Variants in FAT3 observed in about 807,000 individuals in gnomAD.
FAT3 encodes FAT atypical cadherin 3.
A neutral mutation model predicts 310.2 loss-of-function variants in FAT3; 95 were observed. That is an observed-to-expected ratio of 0.31 (90% confidence interval 0.26 to 0.36). The LOEUF (loss-of-function observed/expected upper bound fraction) is 0.36. FAT3 is among the 10% of genes least tolerant of loss of function. The pLI is 1.00. For missense variants in FAT3, 5,408 were observed against 5,715.6 expected, an observed-to-expected ratio of 0.95 and a Z score of 1.74; for synonymous variants, 2,314 against 2,192.9, an observed-to-expected ratio of 1.06 and a Z score of -1.54.
intron 3 of FAT3, among the ~76,000 whole-genome samples, chr11:92,567,470 C>T (rs1955503222): frequency 6.7e-6 from 1 of 149,390 alleles, no homozygotes; most frequent in Admixed American, 6.7e-5. Flanking sequence ...TTGTGGAAGT[C>T]AGTGTGGCGA....
chr11:92,319,554 G>T (rs7936834), intron 1 of FAT3, among the ~76,000 whole-genome samples: 56,283 of 152,032 alleles, frequency 0.37, 14,714 homozygotes, highest in African/African-American at 0.75. Flanking sequence ...TTCCATCAGC[G>T]CCAACAACAT....
chr11:92,529,812 C>G (rs968709095), intron 3 of FAT3, among the ~76,000 whole-genome samples: 1 of 152,104 alleles, frequency 6.6e-6, no homozygotes, highest in Non-Finnish European at 1.5e-5. Context: ...TCCCTTTGAC[C>G]CATGCTCCAT....
chr11:92,640,790 G>A (rs1203589390), intron 3 of FAT3, among the ~76,000 whole-genome samples: 1 of 152,126 alleles, frequency 6.6e-6, no homozygotes, highest in Non-Finnish European at 1.5e-5. Context: ...CATTTTATGG[G>A]CCCCAATGTT....
intron 13 of FAT3, among the ~76,000 whole-genome samples, chr11:92,828,933 G>C (rs1032086011): frequency 2.0e-5 from 3 of 152,138 alleles, no homozygotes; most frequent in African/African-American, 7.2e-5. Context: ...GGAAACACAG[G>C]CATCCATTAA....
At chr11:92,440,836 GCCTTT>G (rs1951049650) in intron 2 of FAT3, among the ~76,000 whole-genome samples, 1 of 152,156 alleles carries the variant, frequency 6.6e-6, no homozygotes, top group Non-Finnish European at 1.5e-5. Flanking sequence ...GAATAGGCTT[GCCTTT>G]GTAAGTTGGT....
chr11:92,370,598 T>C (rs1245859491), intron 2 of FAT3, among the ~76,000 whole-genome samples: 1 of 152,242 alleles, frequency 6.6e-6, no homozygotes. Flanking sequence ...AGTTATTAAA[T>C]ATTGGATAAC....
intron 1 of FAT3, among the ~76,000 whole-genome samples, chr11:92,307,644 A>G (rs762193420): frequency 3.3e-5 from 5 of 152,158 alleles, no homozygotes; most frequent in African/African-American, 7.2e-5. Flanking sequence ...TCACAGCCCA[A>G]GGTTCTTCAA....
chr11:92,458,721 G>A (rs1951563581), intron 2 of FAT3, among the ~76,000 whole-genome samples: 1 of 152,124 alleles, frequency 6.6e-6, no homozygotes, highest in Non-Finnish European at 1.5e-5. Context: ...AGCTTTTATA[G>A]CCTGTAATAT....
chr11:92,709,476 T>G (rs1459760768), intron 4 of FAT3, among the ~76,000 whole-genome samples: 1 of 152,198 alleles, frequency 6.6e-6, no homozygotes, highest in African/African-American at 2.4e-5. Flanking sequence ...TGAGCTCCAC[T>G]GAGATTTCTA....
At chr11:92,436,393 C>A (rs1950940546) in intron 2 of FAT3, among the ~76,000 whole-genome samples, 1 of 152,168 alleles carries the variant, frequency 6.6e-6, no homozygotes, top group Non-Finnish European at 1.5e-5. Flanking sequence ...CCACCTGCCT[C>A]AGTCTTTCAA....
In FAT3 at chr11:92,798,228, C is replaced by T. The variant is rs1947228849; in HGVS notation, c.5215C>T (p.Leu1739Phe). The change falls in exon 10 of 28, where the codon CTC (leucine) becomes TTC (phenylalanine). Residue 1739 changes from leucine to phenylalanine, a missense_variant. Physicochemically the swap from Leu to Phe is conservative, Grantham distance 22. Transcript: ENST00000525166. ...LDYERTSSYQ[L>F]IIQATNMAGM... ...TTATGAGCGCACATCCTCTTATCAA[C>T]TCATCATTCAGGCCACCAATATGGC... is the stretch of plus-strand genomic sequence containing the variant. 1 of 1,613,936 alleles carries T rather than the reference C, an allele frequency of 6.2e-7. No individual in the cohort carries two copies.
intron 1 of FAT3, among the ~76,000 whole-genome samples, chr11:92,270,640 C>T (rs545535780): frequency 1.1e-3 from 174 of 152,092 alleles, no homozygotes; most frequent in African/African-American, 3.6e-3. Context: ...GAGCCGAGAT[C>T]GTGCCATTGC....
chr11:92,698,176 T>C (rs1315770429), intron 4 of FAT3, among the ~76,000 whole-genome samples: 2 of 152,194 alleles, frequency 1.3e-5, no homozygotes, highest in Admixed American at 6.5e-5. Context: ...GGTTTTATAA[T>C]GTGTCTACGC....
rs865883500 is a variant in FAT3, at chr11:92,596,176, C to G, written c.3607+71228C>G. On this transcript the variant is annotated intron_variant, in intron 3 of 27. Coordinates refer to ENST00000525166, the MANE Select transcript of FAT3 (RefSeq NM_001367949.2). ...TAAGAATTCTTGGGGCGAGCCTACT[C>G]GTGTTGGGTAGGCACCCCATTTTTG... 3.3e-5 allele frequency among the ~76,000 whole-genome samples: 5 copies of G among 152,252 alleles called. No individual in the cohort carries two copies. The East Asian group carries it at 9.7e-4, about 29-fold the overall frequency.
chr11:92,284,960 T>G (rs1946521555), intron 1 of FAT3, among the ~76,000 whole-genome samples: 1 of 152,132 alleles, frequency 6.6e-6, no homozygotes, highest in Admixed American at 6.5e-5. Context: ...TAGATTGAAG[T>G]TAGATGCTCA....
chr11:92,717,138 T>C (rs1478071649), intron 4 of FAT3, among the ~76,000 whole-genome samples: 1 of 152,200 alleles, frequency 6.6e-6, no homozygotes, highest in Non-Finnish European at 1.5e-5. Context: ...CGTACAGTAA[T>C]ATATCAACTG....
intron 1 of FAT3, among the ~76,000 whole-genome samples, chr11:92,312,756 C>T (rs916403950): frequency 2.0e-5 from 3 of 152,156 alleles, no homozygotes; most frequent in South Asian, 2.1e-4. Flanking sequence ...GCACCTAGAT[C>T]CATACATGTC....
intron 26 of FAT3, 83 bp downstream of exon 26, chr11:92,889,331 GC>G: frequency 1.7e-6 from 1 of 584,764 alleles, no homozygotes; most frequent in South Asian, 2.3e-5. Context: ...TAATGGATTG[GC>G]CACAGAGGGG....
intron 3 of FAT3, among the ~76,000 whole-genome samples, chr11:92,540,593 A>G (rs1408153177): frequency 6.6e-6 from 1 of 152,192 alleles, no homozygotes; most frequent in African/African-American, 2.4e-5. Context: ...TGACCATGAC[A>G]GATCTCTTGG....
Sources: gnomAD v4.1 joint callset for allele counts (sites outside exome capture counted in the v4.1 genomes callset) on GRCh38, gnomAD v4.1.1 for gene constraint, MANE v1.5 for transcripts, NCBI Gene and HGNC (gene_info 2026-07-23, HGNC 2026-07-21) for gene names.